The following BANK1 variants were observed in gnomAD, a reference collection of about 807,000 sequenced individuals.
BANK1 encodes B cell scaffold protein with ankyrin repeats 1, also known as B-cell scaffold protein with ankyrin repeats.
Under a neutral mutation model 94.5 loss-of-function variants are expected in BANK1, and 95 were observed. The observed-to-expected ratio is 1.00, with a 90% CI of 0.85 to 1.19. BANK1 has a LOEUF of 1.19. Ranked by LOEUF, BANK1 falls within the 50% of genes most tolerant of loss-of-function variation. BANK1 has a pLI of 0.00. For synonymous variants in BANK1, 334 were observed against 308.4 expected (o/e 1.08, Z -0.87); for missense variants, 987 against 932.2 (o/e 1.06, Z -0.77).
At chr4:102,009,992 T>C (rs113491040) in intron 7 of BANK1, among the ~76,000 whole-genome samples, 8,579 of 152,154 alleles carry the variant, frequency 0.056, 556 homozygotes, top group African/African-American at 0.15. Flanking sequence ...TGTGGCTGGG[T>C]GCCGTGGCTC....
At chr4:101,966,753 G>A (rs1225616522) in intron 7 of BANK1, among the ~76,000 whole-genome samples, 3 of 151,940 alleles carry the variant, frequency 2.0e-5, no homozygotes, top group Non-Finnish European at 4.4e-5. Context: ...TTTACCATTG[G>A]CCAGGATGAG....
At chr4:101,878,653 A>G (rs748880359) in intron 5 of BANK1, among the ~76,000 whole-genome samples, 4 of 152,190 alleles carry the variant, frequency 2.6e-5, no homozygotes, top group Non-Finnish European at 5.9e-5. Context: ...TAGAATACAC[A>G]TTCTTTTCCT....
At chr4:101,964,828 A>G (rs1178126967) in intron 7 of BANK1, among the ~76,000 whole-genome samples, 2 of 151,602 alleles carry the variant, frequency 1.3e-5, no homozygotes, top group South Asian at 2.1e-4. Flanking sequence ...GGTTAGTTAC[A>G]TATGTATACA....
chr4:101,855,126 A>G lies in BANK1; in HGVS notation c.561A>G (p.Leu187=), dbSNP rs1424790500. The change falls in exon 3 of 17, where the codon CTA becomes CTG. Residue 187 remains leucine, a synonymous_variant. Coordinates refer to ENST00000322953, the MANE Select transcript of BANK1 (RefSeq NM_017935.5). ...EISERKEIEE[L]SEASRNTIPL... ...GTGAGAGAAAGGAAATTGAAGAACT[A>G]TCAGAAGCTTCAAGAAACACCATAC... is the stretch of plus-strand genomic sequence containing the variant. The G allele has an allele frequency of 5.6e-6, 9 of 1,613,548 alleles. No individual in the cohort carries two copies. The African/African-American group carries it at 9.3e-5, about 17-fold the overall frequency.
At chr4:101,830,846 A>G (rs987200644) in intron 2 of BANK1, among the ~76,000 whole-genome samples, 24 of 152,202 alleles carry the variant, frequency 1.6e-4, no homozygotes, top group Admixed American at 7.2e-4. Flanking sequence ...TCTTCTAACT[A>G]TGGTTTCATG....
At chr4:101,934,427 A>G (rs776148797) in intron 7 of BANK1, among the ~76,000 whole-genome samples, 1 of 151,414 alleles carries the variant, frequency 6.6e-6, no homozygotes, top group South Asian at 2.1e-4. Flanking sequence ...GACTGTGGTC[A>G]CTGAAGGAGA....
intron 7 of BANK1, among the ~76,000 whole-genome samples, chr4:101,946,086 T>G (rs1016819976): frequency 3.3e-5 from 5 of 151,994 alleles, no homozygotes; most frequent in Non-Finnish European, 7.4e-5. Context: ...TTTGGATTAT[T>G]AACTTTGGAT....
chr4:102,050,200 C>T (rs1728000439), intron 11 of BANK1, among the ~76,000 whole-genome samples: 1 of 152,196 alleles, frequency 6.6e-6, no homozygotes, highest in African/African-American at 2.4e-5. Context: ...CTTGCTCTCT[C>T]CTGTGCCTTA....
At chr4:102,052,439 TA>T (rs925081724) in intron 11 of BANK1, among the ~76,000 whole-genome samples, 30 of 152,144 alleles carry the variant, frequency 2.0e-4, no homozygotes, top group African/African-American at 6.3e-4. Context: ...AACAAACAAG[TA>T]ATATGAAAAG....
intron 7 of BANK1, among the ~76,000 whole-genome samples, chr4:101,936,544 A>G (rs182474145): frequency 1.3e-5 from 2 of 150,678 alleles, no homozygotes; most frequent in South Asian, 2.1e-4. Context: ...TGATACACAT[A>G]CACGTATACA....
intron 1 of BANK1, among the ~76,000 whole-genome samples, chr4:101,799,275 T>A (rs978615899): frequency 6.6e-6 from 1 of 152,150 alleles, no homozygotes; most frequent in Non-Finnish European, 1.5e-5. Flanking sequence ...TGGTTATAGA[T>A]GTGTGGTATT....
At chr4:101,867,258 T>G (rs1300640278) in intron 4 of BANK1, among the ~76,000 whole-genome samples, 1 of 151,682 alleles carries the variant, frequency 6.6e-6, no homozygotes, top group African/African-American at 2.4e-5. Flanking sequence ...GTAAAATATT[T>G]TAAGTATTGT....
At chr4:102,002,220 G>C (rs1438341358) in intron 7 of BANK1, among the ~76,000 whole-genome samples, 6 of 152,136 alleles carry the variant, frequency 3.9e-5, no homozygotes, top group African/African-American at 1.4e-4. Context: ...TCACACGTAT[G>C]ATCTTATTGG....
rs189221864 is a variant in BANK1 at position 101,918,146 on chromosome 4, G to T, written c.1163G>T (p.Arg388Met). Residue 388 changes from arginine (R) to methionine (M), a missense_variant, in exon 7 of 17, where the codon AGG becomes ATG. By Grantham distance (91) the Arg-to-Met change is moderately conservative (BLOSUM62 -1). Transcript: ENST00000322953. ...TCAGACCCCGCACATATTGCTGAAA[G>T]GCATGGTCACAAAGAACTCAAGAAA... ...EGSDPAHIAE[R>M]HGHKELKKIF... 3 of 1,596,896 alleles carry T rather than the reference G, an allele frequency of 1.9e-6. No individual in the cohort carries two copies. The African/African-American group carries it at 4.0e-5, about 21-fold the overall frequency.
At chr4:102,024,207 C>A (rs1406553055) in intron 8 of BANK1, among the ~76,000 whole-genome samples, 1 of 152,100 alleles carries the variant, frequency 6.6e-6, no homozygotes, top group Non-Finnish European at 1.5e-5. Context: ...CTACATTGTG[C>A]TGTTTGGGAT....
chr4:101,915,133 A>G (rs1030258319), intron 6 of BANK1, among the ~76,000 whole-genome samples: 4 of 152,294 alleles, frequency 2.6e-5, no homozygotes, highest in East Asian at 1.9e-4. Context: ...GAGGACCAAC[A>G]GTACTTATTT....
chr4:101,918,020 T>C lies in BANK1; in HGVS notation c.1037T>C (p.Leu346Pro). ...ACTCATTTCAAAGAACTTCCAACTC[T>C]TCTCCACTGTGCAGCAAAATTTGGC... ...KYTHFKELPT[L>P]LHCAAKFGLK... The change falls in exon 7 of 17, where the codon CTT becomes CCT. Residue 346 changes from leucine to proline, a missense_variant. Coordinates refer to ENST00000322953, the MANE Select transcript of BANK1 (RefSeq NM_017935.5). The C allele has an allele frequency of 6.2e-7, 1 of 1,610,160 alleles. No individual in the cohort carries two copies. The highest frequency in any genetic ancestry group is 8.5e-7 in the Non-Finnish European group (1 of 1,177,352).
At chr4:102,055,978 C>T (rs1041065126) in intron 11 of BANK1, among the ~76,000 whole-genome samples, 7 of 151,916 alleles carry the variant, frequency 4.6e-5, no homozygotes, top group Non-Finnish European at 1.0e-4. Flanking sequence ...GGACTAGTGG[C>T]CATATGTGAT....
chr4:102,032,099 A>G (rs1314897746), intron 10 of BANK1: 4 of 152,242 alleles, frequency 2.6e-5, no homozygotes, highest in Admixed American at 2.6e-4. Context: ...CTAGGGTATT[A>G]CTATCTCCTT....
Sources: allele counts gnomAD v4.1 joint callset (sites outside exome capture counted in the v4.1 genomes callset), GRCh38; gene constraint gnomAD v4.1.1; transcripts MANE v1.5; gene names NCBI Gene and HGNC (gene_info 2026-07-23, HGNC 2026-07-21).